The following RNF115 variants were observed in gnomAD, a reference collection of about 807,000 sequenced individuals.
RNF115 encodes the protein ring finger protein 115.
In RNF115, 31 loss-of-function variants were observed where a neutral mutation model predicts 39.2. The ratio of observed to expected loss-of-function variants is 0.79; its 90% CI spans 0.59 to 1.07. The LOEUF is 1.07. Ranked by LOEUF, RNF115 falls within the 50% of genes least tolerant of loss-of-function variation. The pLI, the probability that RNF115 is intolerant of heterozygous loss-of-function variation, is 0.00. For synonymous variants in RNF115, 124 were observed against 131.0 expected (o/e 0.95, Z 0.37); for missense variants, 384 against 381.7 (o/e 1.01, Z -0.05).
At chr1:145,795,362 T>C (rs1648925843) in intron 1 of RNF115, among the ~76,000 whole-genome samples, 2 of 152,166 alleles carry the variant, frequency 1.3e-5, no homozygotes, top group Non-Finnish European at 2.9e-5. Context: ...GGACCCAAGC[T>C]GCTTGCTGCT....
At chr1:145,790,733 A>AT (rs1246874385) in intron 1 of RNF115, among the ~76,000 whole-genome samples, 3 of 152,088 alleles carry the variant, frequency 2.0e-5, no homozygotes, top group South Asian at 4.1e-4. Flanking sequence ...TGCCTGGCCT[A>AT]TTTTTTTAAT....
chr1:145,812,332 A>C (rs1466591975), intron 1 of RNF115, among the ~76,000 whole-genome samples: 2 of 150,040 alleles, frequency 1.3e-5, no homozygotes, highest in African/African-American at 2.4e-5. Flanking sequence ...AGAGAGATTA[A>C]TCTGTCTTAA....
intron 4 of RNF115, among the ~76,000 whole-genome samples, chr1:145,760,820 G>C (rs782346314): frequency 6.6e-6 from 1 of 152,186 alleles, no homozygotes; most frequent in Non-Finnish European, 1.5e-5. Flanking sequence ...GCAGAAGTTG[G>C]AACAGTTTGA....
intron 3 of RNF115, among the ~76,000 whole-genome samples, chr1:145,783,802 C>T (rs980233516): frequency 6.6e-5 from 10 of 150,698 alleles, no homozygotes; most frequent in Admixed American, 6.0e-4. Flanking sequence ...GAATTATACA[C>T]TTAAGAACAG....
At chr1:145,777,625 A>T (rs1647944501) in intron 3 of RNF115, among the ~76,000 whole-genome samples, 1 of 152,134 alleles carries the variant, frequency 6.6e-6, no homozygotes. Context: ...AAAAAAAAAT[A>T]GCTCATACAA....
chr1:145,746,139 T>A lies in RNF115; in HGVS notation c.*727A>T, dbSNP rs1156275282. Reference sequence around the variant, plus strand: ...TACTCCGGAGGCTGAGGTAGGAGAATCGCTTGAACTCAGGAGGCAGAGTTT... The same window carrying A: ...TACTCCGGAGGCTGAGGTAGGAGAAACGCTTGAACTCAGGAGGCAGAGTTT... On this transcript the variant is annotated 3_prime_UTR_variant, in exon 9 of 9. Transcript: ENST00000582693. The A allele has an allele frequency of 6.6e-6, 1 of 151,408 alleles. No individual in the cohort carries two copies. Among genetic ancestry groups the A allele is most frequent in the African/African-American group, 2.4e-5 (1 of 41,124 alleles). The allele number at this position is 151,408 out of a possible 1,614,324, so 9.4% of individuals were successfully genotyped here.
At position 145,774,385 on chromosome 1, in the gene RNF115, T is replaced by C. The variant is rs587694303; in HGVS notation, c.220-2466A>G. ...TCCTTTTTGAGATGGAGTCTTGCTC[T>C]GTTGCCCAGGCTGGGGTGCAGTGGC... On this transcript the variant is annotated intron_variant, in intron 3 of 8. Coordinates refer to ENST00000582693, the MANE Select transcript of RNF115 (RefSeq NM_014455.4). Among the ~76,000 whole-genome samples, 391 of 152,178 alleles carry C rather than the reference T, an allele frequency of 2.6e-3. 5 individuals carry two copies. The South Asian group carries it at 0.031, about 12-fold the overall frequency.
chr1:145,759,761 A>C (rs782097907), intron 4 of RNF115, among the ~76,000 whole-genome samples: 1 of 152,158 alleles, frequency 6.6e-6, no homozygotes, highest in Non-Finnish European at 1.5e-5. Context: ...ACTAGGCTTC[A>C]TATAATCTAA....
At chr1:145,819,992 C>T (rs1253759215) in intron 1 of RNF115, among the ~76,000 whole-genome samples, 7,872 of 128,904 alleles carry the variant, frequency 0.061, no homozygotes, top group African/African-American at 0.18. Context: ...GAGCTGAGCT[C>T]GTTCCACTGC....
chr1:145,806,641 G>C (rs893219774), intron 1 of RNF115, among the ~76,000 whole-genome samples: 1 of 152,120 alleles, frequency 6.6e-6, no homozygotes, highest in Non-Finnish European at 1.5e-5. Flanking sequence ...TGATGTGGTT[G>C]TTTAAAAGAG....
At chr1:145,816,639 G>C (rs1299406063) in intron 1 of RNF115, among the ~76,000 whole-genome samples, 2 of 138,994 alleles carry the variant, frequency 1.4e-5, no homozygotes, top group African/African-American at 5.0e-5. Context: ...AAGAAACCTA[G>C]TGAGAGCTCA....
At chr1:145,814,659 T>C (rs1553723201) in intron 1 of RNF115, among the ~76,000 whole-genome samples, 4 of 151,588 alleles carry the variant, frequency 2.6e-5, no homozygotes, top group Non-Finnish European at 5.9e-5. Context: ...CCCCCGAAAA[T>C]ACAAAAAATT....
chr1:145,764,671 C>A (rs908770228), intron 4 of RNF115, among the ~76,000 whole-genome samples: 1 of 151,630 alleles, frequency 6.6e-6, no homozygotes, highest in Non-Finnish European at 1.5e-5. Context: ...AAGTGAGGAG[C>A]GTCTCTGCCC....
intron 3 of RNF115, among the ~76,000 whole-genome samples, chr1:145,780,222 C>T (rs1353884695): frequency 1.5e-4 from 22 of 151,474 alleles, no homozygotes; most frequent in Admixed American, 6.6e-4. Context: ...AGCGAGACCC[C>T]GTCTCAAAAA....
intron 3 of RNF115, among the ~76,000 whole-genome samples, chr1:145,783,763 G>T (rs1294825041): frequency 6.6e-6 from 1 of 151,318 alleles, no homozygotes; most frequent in Non-Finnish European, 1.5e-5. Context: ...GTCTCTAAAT[G>T]ATTAAAAACA....
chr1:145,763,792 G>A (rs1480272825), intron 4 of RNF115, among the ~76,000 whole-genome samples: 1 of 152,148 alleles, frequency 6.6e-6, no homozygotes, highest in Non-Finnish European at 1.5e-5. Flanking sequence ...TCTATTACTT[G>A]TCTGGAAAAC....
chr1:145,776,123 C>T (rs587750434), intron 3 of RNF115, among the ~76,000 whole-genome samples: 1 of 151,318 alleles, frequency 6.6e-6, no homozygotes, highest in South Asian at 2.1e-4. Context: ...CAGACTCCTA[C>T]CAGAGTATAA....
intron 3 of RNF115, among the ~76,000 whole-genome samples, chr1:145,780,618 TAAAAAAAAAAAAAA>T (rs1205816224): frequency 4.6e-5 from 3 of 64,544 alleles, no homozygotes; most frequent in South Asian, 8.8e-4. Flanking sequence ...AGACTCCGTC[TAAAAAAAAAAAAAA>T]AAAAAAAAAA....
chr1:145,758,399 T>C (rs587674027), intron 4 of RNF115, among the ~76,000 whole-genome samples: 1 of 152,296 alleles, frequency 6.6e-6, no homozygotes, highest in Admixed American at 6.5e-5. Flanking sequence ...CGGTTGACTG[T>C]AGCCACAGCT....
Sources: gnomAD v4.1 joint callset for allele counts (sites outside exome capture counted in the v4.1 genomes callset) on GRCh38, gnomAD v4.1.1 for gene constraint, MANE v1.5 for transcripts, NCBI Gene and HGNC (gene_info 2026-07-23, HGNC 2026-07-21) for gene names.